Variants in ELAVL1 observed in about 807,000 individuals in gnomAD.
ELAVL1 encodes the protein ELAV-like protein 1.
ELAVL1 carries 1 observed loss-of-function variant against 28.4 expected under a neutral mutation model. That is an observed-to-expected ratio of 0.04 (90% CI 0.01 to 0.17). The LOEUF (loss-of-function observed/expected upper bound fraction) is 0.17, where lower values mean the gene tolerates loss of function less well. Among genes scored for constraint, ELAVL1 ranks in the 10% least tolerant of loss-of-function variants. The pLI is 1.00. For synonymous variants in ELAVL1, 174 were observed against 183.5 expected, an observed-to-expected ratio of 0.95 and a Z score of 0.42; for missense variants, 157 against 447.2, an observed-to-expected ratio of 0.35 and a Z score of 5.85.
intron 5 of ELAVL1, among the ~76,000 whole-genome samples, chr19:7,965,987 TA>T (rs1360675561): frequency 1.3e-5 from 2 of 152,138 alleles, no homozygotes; most frequent in Admixed American, 6.6e-5. Flanking sequence ...GCCATGAGAA[TA>T]ACACCTCTCA....
chr19:7,992,022 C>A (rs918891057), intron 1 of ELAVL1, among the ~76,000 whole-genome samples, 191 bp from the exon 2 acceptor site: 2 of 150,752 alleles, frequency 1.3e-5, no homozygotes, highest in South Asian at 2.1e-4. Flanking sequence ...CTTACTGCAA[C>A]CTCTGCGTCC....
Position 7,982,771 on chromosome 19 carries a change from C to T in ELAVL1, c.173-1585G>A, listed in dbSNP as rs1390660661. Among the ~76,000 whole-genome samples, 1 of 152,224 alleles carries T rather than the reference C, an allele frequency of 6.6e-6. No individual in the cohort carries two copies. Among genetic ancestry groups the T allele is most frequent in the Non-Finnish European group, 1.5e-5 (1 of 68,042 alleles). ...CCCACGTGACATTTAGCAGTCACATCCCCTCAGGCTCCTCTCGACTATGAC... is the reference window on the plus strand; with the variant it reads ...CCCACGTGACATTTAGCAGTCACATTCCCTCAGGCTCCTCTCGACTATGAC... On this transcript the variant is annotated intron_variant, in intron 2 of 5. Coordinates refer to ENST00000407627, the MANE Select transcript of ELAVL1 (RefSeq NM_001419.3). This position sits in a 1 kb window ranked among gnomAD's most constrained non-coding sequence, Gnocchi z 4.3.
rs149539021 is a variant in ELAVL1 at position 7,999,888 on chromosome 19, G to A, written c.-17+5607C>T. ...GCCTCCTAGGTTCAAGTGATTCTCCGGCTTCAGCCTCCCGAGTAGCTGAGA... is the reference window on the plus strand; with the variant it reads ...GCCTCCTAGGTTCAAGTGATTCTCCAGCTTCAGCCTCCCGAGTAGCTGAGA... On this transcript the variant is annotated intron_variant, in intron 1 of 5. Coordinates refer to ENST00000407627, the MANE Select transcript of ELAVL1 (RefSeq NM_001419.3). 1.9e-3 allele frequency among the ~76,000 whole-genome samples: 286 copies of A among 152,172 alleles called. 1 individual carries two copies. The highest frequency in any genetic ancestry group is 6.5e-3 in the African/African-American group (271 of 41,526).
intron 4 of ELAVL1, among the ~76,000 whole-genome samples, chr19:7,968,364 G>C (rs1160368991): frequency 6.6e-6 from 1 of 152,196 alleles, no homozygotes; most frequent in Non-Finnish European, 1.5e-5. Context: ...GGGTCCTGTG[G>C]CCACCCCCTG....
Position 7,959,322 on chromosome 19 carries a change from T to C in ELAVL1, c.*4161A>G, listed in dbSNP as rs1984741260. ...AACAAATCAATAACTTAAAACACAC[T>C]AATATACAAAAGGTCTAACCATCTA... On this transcript the variant is annotated 3_prime_UTR_variant, in exon 6 of 6. Transcript: ENST00000407627. 1 of 152,522 alleles carries C rather than the reference T, an allele frequency of 6.6e-6. No individual in the cohort carries two copies. Among genetic ancestry groups the C allele is most frequent in the Non-Finnish European group, 1.5e-5 (1 of 68,036 alleles). 9.4% of individuals were successfully genotyped at this position (152,522 alleles called of 1,614,324 possible).
At chr19:8,003,522 C>A in intron 1 of ELAVL1, among the ~76,000 whole-genome samples, 1 of 151,790 alleles carries the variant, frequency 6.6e-6, no homozygotes, top group Non-Finnish European at 1.5e-5. Context: ...GAAACCCCGT[C>A]TCTACTAAAA....
Position 7,974,747 on chromosome 19 carries a change from C to T in ELAVL1, c.277-869G>A, listed in dbSNP as rs1985231960. ...GAACCTGTGCGAAAGGAAGTTCATT[C>T]CCTTTGAGTGAGGGGCACAGAACTG... On this transcript the variant is annotated intron_variant, in intron 3 of 5. Transcript: ENST00000407627. Among the ~76,000 whole-genome samples, 2 of 152,108 alleles carry T rather than the reference C, an allele frequency of 1.3e-5. 1 individual carries two copies. The highest frequency in any genetic ancestry group is 4.2e-4 in the South Asian group (2 of 4,818).
chr19:7,996,810 C>T (rs2081050976), intron 1 of ELAVL1, among the ~76,000 whole-genome samples: 2 of 152,046 alleles, frequency 1.3e-5, no homozygotes, highest in African/African-American at 4.8e-5. Context: ...CAGACTCCAT[C>T]TCCAAAAACC....
chr19:7,983,901 C>A (rs1204528362), intron 2 of ELAVL1, among the ~76,000 whole-genome samples: 1 of 152,072 alleles, frequency 6.6e-6, no homozygotes, highest in African/African-American at 2.4e-5. Context: ...GAGCTTTCGG[C>A]AGCTCAGGGT....
chr19:7,982,672 C>A lies in ELAVL1; in HGVS notation c.173-1486G>T, dbSNP rs1248112079. Among the ~76,000 whole-genome samples, 1 of 152,188 alleles carries A rather than the reference C, an allele frequency of 6.6e-6. No individual in the cohort carries two copies. The highest frequency in any genetic ancestry group is 1.5e-5 in the Non-Finnish European group (1 of 68,030). ...TGGTGACGATGAATGTTCCCATTAC[C>A]TCTAGTCCACGCCCCAGCCGCTTCC... On this transcript the variant is annotated intron_variant, in intron 2 of 5. Transcript: ENST00000407627. This position sits in a 1 kb window ranked among gnomAD's most constrained non-coding sequence, Gnocchi z 4.3.
chr19:7,995,353 AC>A (rs752939727), intron 1 of ELAVL1, among the ~76,000 whole-genome samples: 1 of 151,730 alleles, frequency 6.6e-6, no homozygotes, highest in Non-Finnish European at 1.5e-5. Flanking sequence ...TTAGGCATCT[AC>A]TTTGCTTTTT....
intron 3 of ELAVL1, among the ~76,000 whole-genome samples, chr19:7,980,266 C>G (rs1449738350): frequency 1.3e-5 from 2 of 152,090 alleles, no homozygotes; most frequent in Admixed American, 1.3e-4. Context: ...CTGCCTGGGG[C>G]ACGGGAGGCT....
At chr19:7,969,185 A>G (rs1331653058) in intron 4 of ELAVL1, among the ~76,000 whole-genome samples, 1 of 152,244 alleles carries the variant, frequency 6.6e-6, no homozygotes, top group Non-Finnish European at 1.5e-5. Flanking sequence ...TGGACAACAC[A>G]GTAAGATCTC....
intron 1 of ELAVL1, among the ~76,000 whole-genome samples, chr19:7,994,553 G>A (rs940809752): frequency 4.6e-5 from 7 of 152,196 alleles, no homozygotes; most frequent in African/African-American, 1.4e-4. Context: ...CGTAAGTCCA[G>A]AAAAAGACAC....
At chr19:7,994,733 C>T (rs936122411) in intron 1 of ELAVL1, among the ~76,000 whole-genome samples, 14 of 152,190 alleles carry the variant, frequency 9.2e-5, no homozygotes, top group African/African-American at 2.9e-4. Flanking sequence ...GAAATAATCA[C>T]GCAAGTGCAG....
At chr19:7,966,016 C>A (rs2085798039) in intron 5 of ELAVL1, among the ~76,000 whole-genome samples, 1 of 152,296 alleles carries the variant, frequency 6.6e-6, no homozygotes, top group Non-Finnish European at 1.5e-5. Flanking sequence ...ATGTGTGGCA[C>A]TGGGCAGCGC....
At chr19:7,967,499 G>C in intron 5 of ELAVL1, 66 bp downstream of exon 5, 1 of 1,538,488 alleles carries the variant, frequency 6.5e-7, no homozygotes, top group African/African-American at 1.4e-5. Flanking sequence ...TCTATTCTGT[G>C]GCTGTGCCGT....
At chr19:8,004,082 G>T (rs562472222) in intron 1 of ELAVL1, among the ~76,000 whole-genome samples, 1 of 152,132 alleles carries the variant, frequency 6.6e-6, no homozygotes, top group Non-Finnish European at 1.5e-5. Context: ...CTCTAAAATG[G>T]AAATTAATGG....
chr19:7,971,876 A>C (rs1985122597), intron 4 of ELAVL1, among the ~76,000 whole-genome samples: 1 of 152,198 alleles, frequency 6.6e-6, no homozygotes, highest in South Asian at 2.1e-4. Context: ...CGCCCACCCC[A>C]AAGCACGCAG....
Sources: allele counts gnomAD v4.1 joint callset (sites outside exome capture counted in the v4.1 genomes callset), GRCh38; gene constraint gnomAD v4.1.1; non-coding constraint Gnocchi (gnomAD v3.1); transcripts MANE v1.5; gene names NCBI Gene and HGNC (gene_info 2026-07-23, HGNC 2026-07-21).